DEDD2: variants seen among roughly 807,000 people sequenced by gnomAD.
DEDD2 encodes death effector domain containing 2.
Under a neutral mutation model 28.9 loss-of-function variants are expected in DEDD2, and 18 were observed. The ratio of observed to expected loss-of-function variants is 0.62; its 90% CI spans 0.43 to 0.92. The LOEUF (loss-of-function observed/expected upper bound fraction) is 0.92. Among genes scored for constraint, DEDD2 ranks in the 40% least tolerant of loss-of-function variants. The pLI, the probability that DEDD2 is intolerant of heterozygous loss-of-function variation, is 0.00. For synonymous variants in DEDD2, 211 were observed against 206.1 expected (o/e 1.02, Z -0.20); for missense variants, 411 against 463.3 (o/e 0.89, Z 1.04).
chr19:42,208,214 A>G (rs1051489392), intron 4 of DEDD2, among the ~76,000 whole-genome samples: 1 of 152,120 alleles, frequency 6.6e-6, no homozygotes, highest in Non-Finnish European at 1.5e-5. Context: ...TCCCCACATG[A>G]CCAAGTGGAA....
rs1223541318 is a variant in DEDD2, at chr19:42,199,943, C to T, written c.590-114G>A. The T allele has an allele frequency of 5.6e-6, 8 of 1,430,860 alleles. No homozygotes were observed. The highest frequency in any genetic ancestry group is 5.6e-6 in the Non-Finnish European group (6 of 1,079,698). 88.6% of individuals were successfully genotyped at this position (1,430,860 alleles called of 1,614,324 possible). A position where few individuals can be genotyped will look rare whatever the true frequency, so the allele number is the denominator to read the frequency against. ...CCTCCACCCCCTTCCGGTAGCCACA[C>T]CCTAGTCCTGACACAGCCTCCCCGG... On this transcript the variant is annotated intron_variant, in intron 4 of 4. Transcript: ENST00000596251. The surrounding 1 kb of genome is among the most constrained non-coding windows in gnomAD (Gnocchi z 7.4).
chr19:42,206,200 T>C (rs1206675714), intron 4 of DEDD2, among the ~76,000 whole-genome samples: 1 of 149,952 alleles, frequency 6.7e-6, no homozygotes, highest in Non-Finnish European at 1.5e-5. Flanking sequence ...CCCTGCAGGA[T>C]CTGCCCTGGT....
intron 2 of DEDD2, among the ~76,000 whole-genome samples, chr19:42,215,830 G>A (rs1250842452): frequency 6.6e-6 from 1 of 152,168 alleles, no homozygotes; most frequent in African/African-American, 2.4e-5. Flanking sequence ...CTCATGTGAA[G>A]GCTGCTATCC....
At chr19:42,217,138 G>C in intron 1 of DEDD2, 93 bp from the exon 2 acceptor site, 1 of 973,816 alleles carries the variant, frequency 1.0e-6, no homozygotes, top group South Asian at 1.5e-5. Context: ...CAATCGCGCC[G>C]GGCAGGGCCG....
intron 3 of DEDD2, among the ~76,000 whole-genome samples, chr19:42,214,719 C>A (rs1425867215): frequency 6.6e-6 from 1 of 152,118 alleles, no homozygotes; most frequent in African/African-American, 2.4e-5. Flanking sequence ...GCTATGATTT[C>A]ATCACTGCAC....
chr19:42,217,960 G>T (rs1254891654), upstream of DEDD2, among the ~76,000 whole-genome samples: 2 of 152,028 alleles, frequency 1.3e-5, no homozygotes, highest in Non-Finnish European at 2.9e-5. Flanking sequence ...AGCCACCGGG[G>T]CCATGTAGCG....
At chr19:42,204,974 T>C (rs1277520867) in intron 4 of DEDD2, among the ~76,000 whole-genome samples, 1 of 152,220 alleles carries the variant, frequency 6.6e-6, no homozygotes, top group Non-Finnish European at 1.5e-5. Flanking sequence ...TAAGCAGCCA[T>C]CACCTGCTTC....
upstream of DEDD2, among the ~76,000 whole-genome samples, chr19:42,218,982 C>G (rs895784729): frequency 2.6e-5 from 4 of 152,122 alleles, no homozygotes; most frequent in African/African-American, 9.7e-5. Context: ...GCACTCCAGC[C>G]TGGGCCACAG....
chr19:42,215,609 C>G (rs1288032046), intron 2 of DEDD2, among the ~76,000 whole-genome samples: 2 of 152,294 alleles, frequency 1.3e-5, no homozygotes, highest in East Asian at 3.9e-4. Flanking sequence ...TCTTCTAGAG[C>G]GTGATCTTCA....
Position 42,208,838 on chromosome 19 carries a change from C to T in DEDD2, c.589+862G>A, listed in dbSNP as rs546306011. ...ACAGTGAGAACAAACCCTCGTACAG[C>T]GTGTGCCGGGTTGGGCACTGCTCCA... On this transcript the variant is annotated intron_variant, in intron 4 of 4. Coordinates refer to ENST00000596251, the MANE Select transcript of DEDD2 (RefSeq NM_133328.4). Among the ~76,000 whole-genome samples, 5 of 152,366 alleles carry T rather than the reference C, an allele frequency of 3.3e-5. No homozygotes were observed. In the South Asian group the frequency reaches 6.2e-4, roughly 19 times the overall value.
upstream of DEDD2, among the ~76,000 whole-genome samples, chr19:42,218,740 T>G (rs1014290550): frequency 1.3e-5 from 2 of 152,204 alleles, no homozygotes; most frequent in African/African-American, 4.8e-5. Context: ...AGCAGTGAAT[T>G]CAAAAGAATC....
chr19:42,208,871 T>C (rs2035636276), intron 4 of DEDD2, among the ~76,000 whole-genome samples: 1 of 152,252 alleles, frequency 6.6e-6, no homozygotes, highest in African/African-American at 2.4e-5. Context: ...CCAGGCATAC[T>C]GTGGGTAAAT....
At chr19:42,214,164 AAG>A (rs1290444216) in intron 3 of DEDD2, among the ~76,000 whole-genome samples, 3 of 152,192 alleles carry the variant, frequency 2.0e-5, no homozygotes, top group Non-Finnish European at 2.9e-5. Flanking sequence ...ACATAATAAA[AAG>A]AGGGGTGGCC....
intron 4 of DEDD2, 123 bp downstream of exon 4, chr19:42,209,577 T>C: frequency 7.3e-7 from 1 of 1,362,448 alleles, no homozygotes; most frequent in Non-Finnish European, 9.9e-7. Context: ...TCCACTGTGG[T>C]GAACGAGAGC....
intron 4 of DEDD2, chr19:42,204,666 G>A (rs560246963): frequency 6.6e-6 from 1 of 152,480 alleles, no homozygotes; most frequent in African/African-American, 2.4e-5. Context: ...GGCTGGGGAA[G>A]AAGAGGACCT....
chr19:42,202,618 G>A (rs1275659913), intron 4 of DEDD2, among the ~76,000 whole-genome samples: 5 of 152,116 alleles, frequency 3.3e-5, no homozygotes, highest in Non-Finnish European at 7.4e-5. Flanking sequence ...GGCATGCTAG[G>A]GTGACACAAG....
At chr19:42,202,701 C>T (rs558087586) in intron 4 of DEDD2, among the ~76,000 whole-genome samples, 1 of 152,334 alleles carries the variant, frequency 6.6e-6, no homozygotes, top group East Asian at 1.9e-4. Context: ...CCAGGCTCTA[C>T]TCAAGGGCTT....
In DEDD2 at chr19:42,216,946, T is replaced by C. The variant is rs1250300480; in HGVS notation, c.62A>G (p.Tyr21Cys). 1.9e-6 allele frequency: 3 copies of C among 1,602,478 alleles called. No individual in the cohort carries two copies. Among genetic ancestry groups the C allele is most frequent in the Admixed American group, 1.7e-5 (1 of 58,920 alleles). Residue 21 changes from tyrosine (Y) to cysteine (C), a missense_variant, in exon 2 of 5, where the codon TAC (tyrosine) becomes TGC (cysteine). Physicochemically the swap from Tyr to Cys is radical, Grantham distance 194 (BLOSUM62 -2). Around this residue, in one of 2 missense-constraint regions of DEDD2, gnomAD observed 282 missense variants for 273.4 expected, o/e 1.03. Coordinates refer to ENST00000596251, the MANE Select transcript of DEDD2 (RefSeq NM_133328.4). ...CWEEDECLDY[Y>C]GMLSLHRMFE... ...CATACGGTGAAGCGACAGCATCCCG[T>C]AGTAGTCCAGGCACTCATCCTCCTC... is the stretch of plus-strand genomic sequence containing the variant.
chr19:42,215,201 T>C lies in DEDD2; in HGVS notation c.380A>G (p.Glu127Gly). ...CTGCCGACGGCGACGGCAGCTACCC[T>C]CTGTCCTCTTTGAAGAGCTGGAGGT... ...YGTSSSSKRT[E>G]GSCRRRRQSS... The change falls in exon 3 of 5, where the codon GAG (glutamate) becomes GGG (glycine). Residue 127 changes from glutamate to glycine, a missense_variant. Transcript: ENST00000596251. 1 of 1,614,100 alleles carries C rather than the reference T, an allele frequency of 6.2e-7. No homozygotes were observed. The highest frequency in any genetic ancestry group is 8.5e-7 in the Non-Finnish European group (1 of 1,180,012).
Sources: gnomAD v4.1 joint callset for allele counts (sites outside exome capture counted in the v4.1 genomes callset) on GRCh38, gnomAD v4.1.1 for gene constraint, gnomAD v4.1.1 regional missense constraint, Gnocchi (gnomAD v3.1) non-coding constraint, MANE v1.5 for transcripts, NCBI Gene and HGNC (gene_info 2026-07-23, HGNC 2026-07-21) for gene names.